VGLL4: variants seen among roughly 807,000 people sequenced by gnomAD.
VGLL4 encodes vestigial like family member 4.
VGLL4 carries 7 observed loss-of-function variants against 21.0 expected under a neutral mutation model. The observed-to-expected ratio is 0.33, with a 90% confidence interval of 0.19 to 0.63. The LOEUF (loss-of-function observed/expected upper bound fraction) is 0.63. Ranked by LOEUF, VGLL4 falls within the 20% of genes least tolerant of loss-of-function variation. The pLI is 0.78. For missense variants in VGLL4, 394 were observed against 425.7 expected (o/e 0.93, Z 0.66); for synonymous variants, 222 against 173.2 (o/e 1.28, Z -2.21).
rs190306606 is a variant in VGLL4, at chr3:11,673,338, T to G, written c.64+29633A>C. Among the ~76,000 whole-genome samples, 153 of 151,442 alleles carry G rather than the reference T, an allele frequency of 1.0e-3. 1 individual carries two copies. The highest frequency in any genetic ancestry group is 3.4e-3 in the African/African-American group (140 of 41,250). On this transcript the variant is annotated intron_variant, in intron 2 of 5. Coordinates refer to the VGLL4 transcript ENST00000273038. The stretch of plus-strand genomic sequence containing the variant: ...TAGTTCTAGAAAACAAAAAACACAA[T>G]AGCAGAAGTTTTGAAAATACTGACA...
chr3:11,597,170 A>G (rs934894770), intron 2 of VGLL4, among the ~76,000 whole-genome samples: 4 of 152,136 alleles, frequency 2.6e-5, no homozygotes, highest in African/African-American at 4.8e-5. Context: ...TAATAAGTAG[A>G]TAAATAGGCA....
Position 11,577,336 on chromosome 3 carries a change from C to T in VGLL4, c.273-12317G>A, listed in dbSNP as rs755059218. ...TTTAGTGGCCAGGTGTGGTGGCTCA[C>T]GCCTGTAATCTCAACTTTGGGAGGC... On this transcript the variant is annotated intron_variant, in intron 2 of 4. Coordinates refer to ENST00000430365, the MANE Select transcript of VGLL4 (RefSeq NM_001128219.3). Among the ~76,000 whole-genome samples, 6 of 152,292 alleles carry T rather than the reference C, an allele frequency of 3.9e-5. No homozygotes were observed. The East Asian group carries it at 9.7e-4, about 24-fold the overall frequency.
At chr3:11,677,997 C>T (rs940854600) in intron 2 of VGLL4, among the ~76,000 whole-genome samples, 2 of 151,860 alleles carry the variant, frequency 1.3e-5, no homozygotes, top group Non-Finnish European at 2.9e-5. Context: ...TCTGGGCTAG[C>T]TTCAACGGAC....
At chr3:11,623,426 G>A (rs990487842) in intron 1 of VGLL4, among the ~76,000 whole-genome samples, 1 of 152,052 alleles carries the variant, frequency 6.6e-6, no homozygotes, top group African/African-American at 2.4e-5. Flanking sequence ...GGAGAAGCTG[G>A]GCCTCTACAC....
Position 11,568,702 on chromosome 3 carries a change from C to A in VGLL4, c.273-3683G>T. On this transcript the variant is annotated intron_variant, in intron 2 of 4. Transcript: ENST00000430365. The surrounding 1 kb of genome is among the most constrained non-coding windows in gnomAD (Gnocchi z 5.9). Reference sequence around the variant, plus strand: ...GAATCACCTCCCGGCCACTGCTTCCCAGGCGTCATGTGCTCCCGGGGACGG... The same window carrying A: ...GAATCACCTCCCGGCCACTGCTTCCAAGGCGTCATGTGCTCCCGGGGACGG... 1 of 1,550,066 alleles carries A rather than the reference C, an allele frequency of 6.5e-7. No homozygotes were observed.
intron 2 of VGLL4, among the ~76,000 whole-genome samples, chr3:11,588,080 C>A (rs1484448243): frequency 1.3e-5 from 2 of 152,222 alleles, no homozygotes; most frequent in African/African-American, 4.8e-5. Flanking sequence ...TGGTGCCACT[C>A]AGGGTTTATG....
chr3:11,662,220 CCT>C (rs1472395633), intron 2 of VGLL4, among the ~76,000 whole-genome samples: 1 of 152,174 alleles, frequency 6.6e-6, no homozygotes, highest in Non-Finnish European at 1.5e-5. Context: ...ACACCATGAT[CCT>C]CTGAGTCAAA....
chr3:11,640,760 G>GT (rs774298676), intron 1 of VGLL4, among the ~76,000 whole-genome samples: 3 of 152,174 alleles, frequency 2.0e-5, no homozygotes, highest in Non-Finnish European at 4.4e-5. Flanking sequence ...GGAAGACCTT[G>GT]TATGCTACAA....
upstream of VGLL4, among the ~76,000 whole-genome samples, chr3:11,647,062 G>A (rs773114861): frequency 6.6e-6 from 1 of 152,170 alleles, no homozygotes; most frequent in African/African-American, 2.4e-5. Context: ...CTATCAGTCT[G>A]CAACAAAGTC....
intron 1 of VGLL4, among the ~76,000 whole-genome samples, chr3:11,615,839 G>A (rs1400605683): frequency 6.6e-6 from 1 of 152,138 alleles, no homozygotes; most frequent in Non-Finnish European, 1.5e-5. Flanking sequence ...ATACAATCAG[G>A]AGTAGCTTAT....
At chr3:11,664,486 T>C (rs1167534270) in intron 2 of VGLL4, among the ~76,000 whole-genome samples, 3 of 152,170 alleles carry the variant, frequency 2.0e-5, no homozygotes, top group East Asian at 1.9e-4. Context: ...AATAAGGGAA[T>C]TGGACCAAAA....
chr3:11,698,524 G>A lies in VGLL4; in HGVS notation c.64+4447C>T, dbSNP rs554023120. ...ACTCTGTCTCCAGAAAAAAACAGCT[G>A]GAAAAAAGCTGGGACTTCCCAGCAC... On this transcript the variant is annotated intron_variant, in intron 2 of 5. Coordinates refer to the VGLL4 transcript ENST00000273038. Among the ~76,000 whole-genome samples the A allele has an allele frequency of 2.6e-5, 4 of 152,162 alleles. No individual in the cohort carries two copies. In the East Asian group the frequency reaches 7.7e-4, roughly 29 times the overall value.
chr3:11,578,001 C>T (rs2074104244), intron 2 of VGLL4, among the ~76,000 whole-genome samples: 1 of 152,208 alleles, frequency 6.6e-6, no homozygotes, highest in Non-Finnish European at 1.5e-5. Flanking sequence ...GAGGGTCACA[C>T]TCCAGAAGCA....
intron 2 of VGLL4, among the ~76,000 whole-genome samples, chr3:11,673,346 G>T (rs1478871863): frequency 6.6e-6 from 1 of 151,814 alleles, no homozygotes; most frequent in African/African-American, 2.4e-5. Context: ...AATAGCAGAA[G>T]TTTTGAAAAT....
intron 2 of VGLL4, among the ~76,000 whole-genome samples, chr3:11,684,462 C>G (rs2125384930): frequency 6.6e-6 from 1 of 152,136 alleles, no homozygotes; most frequent in East Asian, 1.9e-4. Flanking sequence ...CTCACTGCAG[C>G]CTTGAACTCC....
chr3:11,710,215 C>T (rs969107778), intron 1 of VGLL4, among the ~76,000 whole-genome samples: 1 of 152,184 alleles, frequency 6.6e-6, no homozygotes, highest in Non-Finnish European at 1.5e-5. Context: ...CATTGAGGAT[C>T]ACATTTCCAC....
intron 2 of VGLL4, among the ~76,000 whole-genome samples, chr3:11,652,513 C>G (rs929395106): frequency 2.0e-5 from 3 of 152,102 alleles, no homozygotes; most frequent in Admixed American, 6.5e-5. Context: ...TTCTGCCCCC[C>G]GGGTTCAAGC....
rs1016839135 is a variant in VGLL4, at chr3:11,653,959, G to A, written c.64+49012C>T. On this transcript the variant is annotated intron_variant, in intron 2 of 5. Transcript: ENST00000273038. This position sits in a 1 kb window ranked among gnomAD's most constrained non-coding sequence, Gnocchi z 4.2. The stretch of plus-strand genomic sequence containing the variant: ...CCCCGGCCAGAGGCTCTCAACCAAG[G>A]AGATTCTGCCCTCCTCAGGAGACAT... Among the ~76,000 whole-genome samples, 5 of 152,126 alleles carry A rather than the reference G, an allele frequency of 3.3e-5. No individual in the cohort carries two copies. The highest frequency in any genetic ancestry group is 1.2e-4 in the African/African-American group (5 of 41,434).
intron 2 of VGLL4, among the ~76,000 whole-genome samples, chr3:11,579,366 C>T (rs994744987): frequency 2.0e-5 from 3 of 152,094 alleles, no homozygotes; most frequent in South Asian, 2.1e-4. Flanking sequence ...AGAGTTCCCA[C>T]GGGAAAAAAA....
Sources: allele counts gnomAD v4.1 joint callset (sites outside exome capture counted in the v4.1 genomes callset), GRCh38; gene constraint gnomAD v4.1.1; non-coding constraint Gnocchi (gnomAD v3.1); transcripts MANE v1.5; gene names NCBI Gene and HGNC (gene_info 2026-07-23, HGNC 2026-07-21).